Variants in RANBP2 observed in about 807,000 individuals in gnomAD.
RANBP2 encodes E3 SUMO-protein ligase RanBP2.
A neutral mutation model predicts 303.6 loss-of-function variants in RANBP2; 57 were observed. The observed-to-expected ratio is 0.19, with a 90% CI of 0.15 to 0.23. RANBP2 has a LOEUF of 0.23. Ranked by LOEUF, RANBP2 falls within the 10% of genes least tolerant of loss-of-function variation. The pLI is 1.00. For missense variants in RANBP2, 3,138 were observed against 3,780.8 expected, an observed-to-expected ratio of 0.83 and a Z score of 4.46; for synonymous variants, 1,167 against 1,301.5, an observed-to-expected ratio of 0.90 and a Z score of 2.23.
At chr2:108,847,044 G>A in the RANBP2 span, 1 of 669,880 alleles carries the variant, frequency 1.5e-6, no homozygotes, top group East Asian at 2.7e-5. Context: ...GTTTTGAATT[G>A]TTTTATAATG....
At chr2:109,730,776 C>CTTTT in the RANBP2 span, among the ~76,000 whole-genome samples, 113 of 79,408 alleles carry the variant, frequency 1.4e-3, 2 homozygotes, top group Middle Eastern at 0.012. Context: ...CTCTCTCTCT[C>CTTTT]TTTTTTTTTT....
downstream of RANBP2, chr2:108,788,733 G>GAA: frequency 7.3e-7 from 1 of 1,377,770 alleles, no homozygotes; most frequent in Non-Finnish European, 9.6e-7. Context: ...GAAAAAAAAA[G>GAA]AAAAAAAAAT....
At chr2:109,447,147 T>TAAAAAAAAAAAAAAA in the RANBP2 span, among the ~76,000 whole-genome samples, 2 of 82,702 alleles carry the variant, frequency 2.4e-5, no homozygotes, top group Admixed American at 1.4e-4. Context: ...CCTGAATATT[T>TAAAAAAAAAAAAAAA]AAAAAAAAAA....
chr2:109,259,857 C>T, the RANBP2 span, among the ~76,000 whole-genome samples: 1 of 152,132 alleles, frequency 6.6e-6, no homozygotes, highest in Non-Finnish European at 1.5e-5. Context: ...TGGACAGCCT[C>T]TGGGCCGGGC....
the RANBP2 span, among the ~76,000 whole-genome samples, chr2:109,130,835 T>C: frequency 5.1e-4 from 77 of 152,318 alleles, no homozygotes; most frequent in Middle Eastern, 6.8e-3. Flanking sequence ...ACGAAAGATC[T>C]TCTCTGGATG....
the RANBP2 span, among the ~76,000 whole-genome samples, chr2:109,269,770 G>A: frequency 3.9e-5 from 6 of 152,146 alleles, no homozygotes; most frequent in African/African-American, 7.2e-5. Flanking sequence ...CAGAGCAGCC[G>A]GGAGGGGTGA....
At chr2:109,038,688 A>G in the RANBP2 span, among the ~76,000 whole-genome samples, 2 of 152,202 alleles carry the variant, frequency 1.3e-5, no homozygotes, top group Non-Finnish European at 2.9e-5. Flanking sequence ...GAACATGTAC[A>G]TGTATTTCTT....
the RANBP2 span, among the ~76,000 whole-genome samples, chr2:108,892,619 C>T: frequency 1.2e-3 from 182 of 152,302 alleles, no homozygotes; most frequent in African/African-American, 4.3e-3. Context: ...GGAGCAGTTC[C>T]ATCCCATGGT....
the RANBP2 span, among the ~76,000 whole-genome samples, chr2:108,993,007 A>G: frequency 6.6e-6 from 1 of 152,224 alleles, no homozygotes; most frequent in Admixed American, 6.5e-5. Flanking sequence ...ATAGGCAGAA[A>G]AAACAGGAAT....
At chr2:109,500,259 C>T in the RANBP2 span, among the ~76,000 whole-genome samples, 1 of 152,140 alleles carries the variant, frequency 6.6e-6, no homozygotes, top group Admixed American at 6.5e-5. Context: ...GAAGAGGGCT[C>T]AGAGGAGCCA....
At chr2:109,242,423 G>T in the RANBP2 span, among the ~76,000 whole-genome samples, 1 of 152,148 alleles carries the variant, frequency 6.6e-6, no homozygotes, top group Non-Finnish European at 1.5e-5. Context: ...AGCAGCCCGT[G>T]CCTAGAGTCC....
the RANBP2 span, among the ~76,000 whole-genome samples, chr2:108,829,472 A>G: frequency 6.6e-6 from 1 of 152,338 alleles, no homozygotes; most frequent in East Asian, 1.9e-4. Flanking sequence ...AAAAATAAAC[A>G]TGGTGGCCCA....
the RANBP2 span, among the ~76,000 whole-genome samples, chr2:109,112,315 G>A: frequency 6.6e-6 from 1 of 152,102 alleles, no homozygotes; most frequent in Non-Finnish European, 1.5e-5. Context: ...ACTTTTTAAT[G>A]ATTGCTATTC....
the RANBP2 span, among the ~76,000 whole-genome samples, chr2:109,579,380 CCCT>C: frequency 6.6e-6 from 1 of 151,286 alleles, no homozygotes; most frequent in Non-Finnish European, 1.5e-5. Context: ...TAACTCCAGG[CCCT>C]CCTTTTTTTT....
chr2:109,149,263 C>T, the RANBP2 span, among the ~76,000 whole-genome samples: 227 of 152,212 alleles, frequency 1.5e-3, 1 homozygote, highest in Non-Finnish European at 2.2e-3. Context: ...TGTTCTATGG[C>T]CCCCCGGGAC....
the RANBP2 span, among the ~76,000 whole-genome samples, chr2:109,694,219 C>T: frequency 6.6e-6 from 1 of 152,054 alleles, no homozygotes; most frequent in Non-Finnish European, 1.5e-5. Context: ...ATAGTGAGTT[C>T]TCACTATGCT....
chr2:109,086,107 T>G, the RANBP2 span, among the ~76,000 whole-genome samples: 2 of 152,238 alleles, frequency 1.3e-5, no homozygotes, highest in African/African-American at 4.8e-5. Context: ...TGTCAGAGTT[T>G]CCTTCCTTTT....
At chr2:109,419,966 G>T in the RANBP2 span, among the ~76,000 whole-genome samples, 3 of 152,220 alleles carry the variant, frequency 2.0e-5, no homozygotes, top group Non-Finnish European at 4.4e-5. Flanking sequence ...CCGAGATTGA[G>T]GGGAGAGGCG....
chr2:109,613,567 T>C, the RANBP2 span: 1 of 256,102 alleles, frequency 3.9e-6, no homozygotes. Context: ...GTCCCGACGC[T>C]GGCGCCGCGC....
Sources: gnomAD v4.1 joint callset for allele counts (sites outside exome capture counted in the v4.1 genomes callset) on GRCh38, gnomAD v4.1.1 for gene constraint, MANE v1.5 for transcripts, NCBI Gene and HGNC (gene_info 2026-07-23, HGNC 2026-07-21) for gene names.